TMEM39B: variants seen among roughly 807,000 people sequenced by gnomAD.
The protein encoded by TMEM39B is transmembrane protein 39B.
Under a neutral mutation model 52.2 loss-of-function variants are expected in TMEM39B, and 23 were observed. The ratio of observed to expected loss-of-function variants is 0.44; its 90% CI spans 0.32 to 0.62. The LOEUF is 0.62. Among genes scored for constraint, TMEM39B ranks in the 20% least tolerant of loss-of-function variants. The pLI is 0.06. For synonymous variants in TMEM39B, 285 were observed against 264.0 expected, an observed-to-expected ratio of 1.08 and a Z score of -0.77; for missense variants, 547 against 642.0, an observed-to-expected ratio of 0.85 and a Z score of 1.60.
Position 32,100,743 on chromosome 1 carries a change from C to T in TMEM39B, c.1236+181C>T, listed in dbSNP as rs753815036. On this transcript the variant is annotated intron_variant, in intron 8 of 8. Transcript: ENST00000336294. The stretch of plus-strand genomic sequence containing the variant: ...AAATTGTCACTTAATAACTGCAGCT[C>T]GGCCGGGCATGGTGGCTCACGCCTG... The T allele has an allele frequency of 9.0e-5, 73 of 809,844 alleles. 2 individuals carry two copies. The highest frequency in any genetic ancestry group is 7.0e-4 in the Middle Eastern group (3 of 4,306). 50.2% of individuals were successfully genotyped at this position (809,844 alleles called of 1,614,324 possible).
chr1:32,091,178 C>G (rs1640588377), intron 5 of TMEM39B, among the ~76,000 whole-genome samples: 2 of 151,976 alleles, frequency 1.3e-5, no homozygotes, highest in South Asian at 4.1e-4. Context: ...TTGAGTCCCA[C>G]CCCCACCTGC....
chr1:32,076,103 C>CTTTTTTTTTTTTT (rs1178215057), intron 3 of TMEM39B: 178 of 76,230 alleles, frequency 2.3e-3, no homozygotes, highest in Non-Finnish European at 2.7e-3. Context: ...TTCTTTTCTT[C>CTTTTTTTTTTTTT]TTTTTTTTTT....
intron 5 of TMEM39B, among the ~76,000 whole-genome samples, chr1:32,078,422 G>T (rs1222472236): frequency 6.6e-6 from 1 of 152,006 alleles, no homozygotes; most frequent in South Asian, 2.1e-4. Flanking sequence ...GGTCGAGGCT[G>T]CAGTGAGCCG....
At chr1:32,090,708 C>T (rs547533422) in intron 5 of TMEM39B, among the ~76,000 whole-genome samples, 1 of 152,088 alleles carries the variant, frequency 6.6e-6, no homozygotes, top group East Asian at 1.9e-4. Context: ...GGCGCGATCT[C>T]GGCTCACTGC....
chr1:32,085,379 C>T (rs77142791), intron 5 of TMEM39B, among the ~76,000 whole-genome samples: 1 of 151,920 alleles, frequency 6.6e-6, no homozygotes, highest in Non-Finnish European at 1.5e-5. Flanking sequence ...GAGATTTTTT[C>T]AGCAATCATA....
intron 5 of TMEM39B, among the ~76,000 whole-genome samples, chr1:32,080,484 T>C (rs1244282033): frequency 6.6e-6 from 1 of 151,234 alleles, no homozygotes; most frequent in African/African-American, 2.4e-5. Context: ...GCTAACACAG[T>C]GAAACCCCGT....
In TMEM39B at chr1:32,091,802, C is replaced by T. The variant is rs762928056; in HGVS notation, c.718C>T (p.Leu240=). The change falls in exon 6 of 9, where the codon CTG becomes TTG. Residue 240 remains leucine, a synonymous_variant. Coordinates refer to ENST00000336294, the MANE Select transcript of TMEM39B (RefSeq NM_018056.4). ...CCTGGCAAAGAGCCGGGACTACCTC[C>T]TGACACTGCGGGAGACGTGGAAGCA... The part of the protein sequence containing the change: ...SGLAKSRDYL[L]TLRETWKQHT... 11 of 1,614,250 alleles carry T rather than the reference C, an allele frequency of 6.8e-6. No individual in the cohort carries two copies. The highest frequency in any genetic ancestry group is 9.3e-6 in the Non-Finnish European group (11 of 1,180,048).
chr1:32,084,948 T>G (rs1293030472), intron 5 of TMEM39B, among the ~76,000 whole-genome samples: 1 of 152,202 alleles, frequency 6.6e-6, no homozygotes, highest in African/African-American at 2.4e-5. Flanking sequence ...CCAGTGTTGC[T>G]AGTGAGAAGT....
rs1277772842 is a variant in TMEM39B, at chr1:32,075,858, G to GTGTGTGCGTGTGTGTGTA, written c.351+43_351+60dup. On this transcript the variant is annotated intron_variant, in intron 3 of 8. Transcript: ENST00000336294. ...AACAAGGGTGTGTGTGTGTGTGTGT[G>GTGTGTGCGTGTGTGTGTA]TGTGTGCGTGTGTGTGTATGTGTGT... 5.4e-6 allele frequency: 7 copies of GTGTGTGCGTGTGTGTGTA among 1,306,526 alleles called. No homozygotes were observed. The South Asian group carries it at 1.0e-4, about 19-fold the overall frequency. 80.9% of individuals were successfully genotyped at this position (1,306,526 alleles called of 1,614,324 possible).
chr1:32,098,929 G>C (rs115425690), intron 7 of TMEM39B, among the ~76,000 whole-genome samples: 33 of 152,248 alleles, frequency 2.2e-4, no homozygotes, highest in African/African-American at 7.7e-4. Context: ...ATGTGGACTA[G>C]TAGCAGGAGA....
chr1:32,093,692 G>A (rs1240755315), intron 6 of TMEM39B, among the ~76,000 whole-genome samples: 3 of 151,510 alleles, frequency 2.0e-5, no homozygotes, highest in South Asian at 2.1e-4. Flanking sequence ...GGTTACAGGC[G>A]TAAGCCACTG....
chr1:32,091,073 C>T (rs1640584661), intron 5 of TMEM39B, among the ~76,000 whole-genome samples: 1 of 152,158 alleles, frequency 6.6e-6, no homozygotes, highest in Admixed American at 6.6e-5. Context: ...CAGACATGAG[C>T]TACCGTGCTT....
chr1:32,080,591 T>G (rs777095239), intron 5 of TMEM39B, among the ~76,000 whole-genome samples: 10 of 146,040 alleles, frequency 6.8e-5, no homozygotes, highest in Non-Finnish European at 1.3e-4. Context: ...GGTGTGAACC[T>G]GGGAGGCGGA....
At chr1:32,090,592 C>T (rs1317179990) in intron 5 of TMEM39B, among the ~76,000 whole-genome samples, 2 of 152,108 alleles carry the variant, frequency 1.3e-5, no homozygotes, top group African/African-American at 4.8e-5. Context: ...GGACTATAGG[C>T]ATGTACCACC....
rs1028958619 is a variant in TMEM39B at position 32,073,065 on chromosome 1, C to T, written c.4+14C>T. The T allele has an allele frequency of 2.0e-6, 3 of 1,483,784 alleles. No homozygotes were observed. The highest frequency in any genetic ancestry group is 5.5e-5 in the East Asian group (2 of 36,090). The allele number at this position is 1,483,784 out of a possible 1,614,324, so 91.9% of individuals were successfully genotyped here. On this transcript the variant is annotated intron_variant, in intron 1 of 8. Transcript: ENST00000336294. ...GGGAGGAGATGGGTGAGCAGAGCGG[C>T]TCAGGCTCGGCCTGGCAACGAGCGG...
intron 5 of TMEM39B, among the ~76,000 whole-genome samples, chr1:32,083,988 C>CACACACACACAT (rs1640229552): frequency 6.6e-6 from 1 of 152,096 alleles, no homozygotes; most frequent in Admixed American, 6.6e-5. Flanking sequence ...CTGTTTCAGA[C>CACACACACACAT]ACACAGACAC....
rs780453681 is a variant in TMEM39B, at chr1:32,075,592, C to T, written c.132-11C>T. On this transcript the variant is annotated splice_polypyrimidine_tract_variant and intron_variant, in intron 2 of 8. Coordinates refer to ENST00000336294, the MANE Select transcript of TMEM39B (RefSeq NM_018056.4). Reference sequence around the variant, plus strand: ...GGTCAGCTGCTGATGTTGTTCCCTCCCCACTGTCAGGAGCAGTTCTGGAAC... The same window carrying T: ...GGTCAGCTGCTGATGTTGTTCCCTCTCCACTGTCAGGAGCAGTTCTGGAAC... The T allele has an allele frequency of 2.6e-6, 4 of 1,543,648 alleles. No individual in the cohort carries two copies. Among genetic ancestry groups the T allele is most frequent in the Non-Finnish European group, 3.5e-6 (4 of 1,141,354 alleles).
intron 6 of TMEM39B, among the ~76,000 whole-genome samples, chr1:32,094,149 C>T (rs1422261877): frequency 9.5e-5 from 4 of 42,176 alleles, no homozygotes; most frequent in East Asian, 8.4e-4. Context: ...TTTTTTGAGG[C>T]GGAGTCTTGC....
At chr1:32,099,834 G>A (rs950962652) in intron 7 of TMEM39B, among the ~76,000 whole-genome samples, 3 of 152,122 alleles carry the variant, frequency 2.0e-5, no homozygotes, top group East Asian at 3.9e-4. Context: ...ATCACCTGAC[G>A]TCAAGAATTC....
Sources: allele counts gnomAD v4.1 joint callset (sites outside exome capture counted in the v4.1 genomes callset), GRCh38; gene constraint gnomAD v4.1.1; transcripts MANE v1.5; gene names NCBI Gene and HGNC (gene_info 2026-07-23, HGNC 2026-07-21).